Variants in COL4A2 observed in about 807,000 individuals in gnomAD.
The protein encoded by COL4A2 is collagen type IV alpha 2 chain.
In COL4A2, 99 loss-of-function variants were observed where a neutral mutation model predicts 200.2. That is an observed-to-expected ratio of 0.49 (90% CI 0.42 to 0.58). The LOEUF is 0.58. Among genes scored for constraint, COL4A2 ranks in the 20% least tolerant of loss-of-function variants. The pLI, the probability that COL4A2 is intolerant of heterozygous loss-of-function variation, is 0.00. For synonymous variants in COL4A2, 897 were observed against 900.6 expected, an observed-to-expected ratio of 1.00 and a Z score of 0.07; for missense variants, 1,950 against 2,314.1, an observed-to-expected ratio of 0.84 and a Z score of 3.23.
At position 110,465,572 on chromosome 13, in the gene COL4A2, C is replaced by A; in HGVS notation, c.1944C>A (p.Gly648=). The A allele has an allele frequency of 5.0e-6, 8 of 1,613,686 alleles. No individual in the cohort carries two copies. Among genetic ancestry groups the A allele is most frequent in the Non-Finnish European group, 6.8e-6 (8 of 1,179,878 alleles). Residue 648 remains glycine, a synonymous_variant, in exon 25 of 48, where the codon GGC becomes GGA. Coordinates refer to ENST00000360467, the MANE Select transcript of COL4A2 (RefSeq NM_001846.4). ...TACCTGGACCACCAGGCTTCCTGGG[C>A]CCTCCTGGCCCCGCAGGGACCCCAG... is the stretch of plus-strand genomic sequence containing the variant. ...AGLPGPPGFL[G]PPGPAGTPGQ... is the part of the protein sequence containing the mutation.
In COL4A2 at chr13:110,465,874, T is replaced by C. The variant is rs1983932; in HGVS notation, c.1979-129T>C. On this transcript the variant is annotated intron_variant, in intron 25 of 47. Coordinates refer to ENST00000360467, the MANE Select transcript of COL4A2 (RefSeq NM_001846.4). The stretch of plus-strand genomic sequence containing the variant: ...AGATGGCTTTCCCGTTCCCTGCCCA[T>C]TTCAAAGCCTTCCTGCCCCCACCAG... 0.58 allele frequency: 682,151 copies of C among 1,182,920 alleles called. 201,744 individuals carry two copies. Among genetic ancestry groups the C allele is most frequent in the Middle Eastern group, 0.67 (2,781 of 4,162 alleles). 73.3% of individuals were successfully genotyped at this position (1,182,920 alleles called of 1,614,324 possible). A position where few individuals can be genotyped will look rare whatever the true frequency, so the allele number is the denominator to read the frequency against.
chr13:110,509,215 G>A (rs2139561340), intron 47 of COL4A2, among the ~76,000 whole-genome samples: 1 of 135,616 alleles, frequency 7.4e-6, no homozygotes, highest in African/African-American at 2.7e-5. Flanking sequence ...TATATGGATT[G>A]GATGCCCAGC....
chr13:110,443,960 A>G (rs1881230112), intron 16 of COL4A2, among the ~76,000 whole-genome samples: 1 of 152,158 alleles, frequency 6.6e-6, no homozygotes. Flanking sequence ...GTGGTCTCAG[A>G]TGAACCCTGA....
chr13:110,434,131 A>G lies in COL4A2; in HGVS notation c.685-270A>G, dbSNP rs187413085. ...ACCCAGGGACATGCTCTTAGACTACAGTCTGCAGAGACCATATACTCACGA... is the reference window on the plus strand; with the variant it reads ...ACCCAGGGACATGCTCTTAGACTACGGTCTGCAGAGACCATATACTCACGA... On this transcript the variant is annotated intron_variant, in intron 11 of 47. Transcript: ENST00000360467. Among the ~76,000 whole-genome samples, 687 of 152,296 alleles carry G rather than the reference A, an allele frequency of 4.5e-3. 5 individuals are homozygous for G. Among genetic ancestry groups the G allele is most frequent in the Non-Finnish European group, 6.4e-3 (432 of 68,020 alleles).
Position 110,467,111 on chromosome 13 carries a change from G to A in COL4A2, c.2095+15G>A, listed in dbSNP as rs776751678. On this transcript the variant is annotated intron_variant, in intron 27 of 47. Transcript: ENST00000360467. ...AGGCCCCACAGGTAATGCACGGAGG[G>A]AACCTGGAGTGCACCCAGCCTTCCT... The A allele has an allele frequency of 1.2e-6, 2 of 1,613,760 alleles. No individual in the cohort carries two copies. The highest frequency in any genetic ancestry group is 1.7e-6 in the Non-Finnish European group (2 of 1,179,886).
Position 110,508,122 on chromosome 13 carries a change from G to A in COL4A2, c.4782G>A (p.Glu1594=), listed in dbSNP as rs1454563588. ...KPYISRCSVC[E]APAIAIAVHS... ...ACATCAGCCGCTGTTCTGTGTGTGA[G>A]GCCCCGGCCATCGCCATCGCGGTCC... The change falls in exon 47 of 48, where the codon GAG becomes GAA. Residue 1594 remains glutamate, a synonymous_variant. Transcript: ENST00000360467. This position sits in a 1 kb window ranked among gnomAD's most constrained non-coding sequence, Gnocchi z 6.1. The A allele has an allele frequency of 6.2e-7, 1 of 1,614,268 alleles. No homozygotes were observed. Among genetic ancestry groups the A allele is most frequent in the South Asian group, 1.1e-5 (1 of 91,090 alleles).
intron 4 of COL4A2, among the ~76,000 whole-genome samples, chr13:110,386,034 T>TGGAGGCTACAGTGC: frequency 8.8e-6 from 1 of 113,552 alleles, no homozygotes; most frequent in South Asian, 3.2e-4. Context: ...GGTTACAGTG[T>TGGAGGCTACAGTGC]GTGGATAGAC....
At chr13:110,321,113 C>T (rs1053903043) in intron 3 of COL4A2, among the ~76,000 whole-genome samples, 4 of 151,786 alleles carry the variant, frequency 2.6e-5, no homozygotes, top group African/African-American at 7.3e-5. Context: ...ATAAACTAAC[C>T]ATCTGAAGAT....
At chr13:110,459,751 A>C (rs1349043031) in intron 22 of COL4A2, 1 of 152,328 alleles carries the variant, frequency 6.6e-6, no homozygotes, top group Admixed American at 6.5e-5. Context: ...TCTCAAAAAA[A>C]CCTATCATTT....
chr13:110,505,161 T>G (rs377143636), intron 45 of COL4A2, among the ~76,000 whole-genome samples: 3 of 151,068 alleles, frequency 2.0e-5, no homozygotes, highest in East Asian at 2.0e-4. Flanking sequence ...CCATCCTGGC[T>G]AACACGGTGA....
chr13:110,360,513 C>T (rs1877467485), intron 4 of COL4A2, among the ~76,000 whole-genome samples: 1 of 152,212 alleles, frequency 6.6e-6, no homozygotes, highest in African/African-American at 2.4e-5. Context: ...ATCCCCAAGA[C>T]TCTGTGATTT....
chr13:110,511,904 T>C, intron 47 of COL4A2, 30 bp from the exon 48 acceptor site: 1 of 1,612,842 alleles, frequency 6.2e-7, no homozygotes, highest in Non-Finnish European at 8.5e-7. Context: ...CTGTGATTCC[T>C]AACCCTGTCC....
rs112139539 is a variant in COL4A2 at position 110,401,804 on chromosome 13, T to G, written c.181-22930T>G. Among the ~76,000 whole-genome samples the G allele has an allele frequency of 2.0e-3, 302 of 152,310 alleles. 2 individuals are homozygous for G. The highest frequency in any genetic ancestry group is 7.0e-3 in the African/African-American group (293 of 41,568). Reference sequence around the variant, plus strand: ...TCTCACTGTTCTAGAGGCTGGTAAGTCCAAGATCAAAGTACTAGTAGATTT... The same window carrying G: ...TCTCACTGTTCTAGAGGCTGGTAAGGCCAAGATCAAAGTACTAGTAGATTT... On this transcript the variant is annotated intron_variant, in intron 4 of 47. Transcript: ENST00000360467.
At chr13:110,460,263 A>G (rs1317347849) in intron 22 of COL4A2, among the ~76,000 whole-genome samples, 1 of 152,162 alleles carries the variant, frequency 6.6e-6, no homozygotes, top group Non-Finnish European at 1.5e-5. Flanking sequence ...CATGGCACGG[A>G]GCTGTGCAGG....
chr13:110,335,293 A>T (rs1330176936), intron 3 of COL4A2, among the ~76,000 whole-genome samples: 1 of 152,020 alleles, frequency 6.6e-6, no homozygotes, highest in South Asian at 2.1e-4. Flanking sequence ...CTCAAATCTC[A>T]TCTTGAATTG....
intron 4 of COL4A2, among the ~76,000 whole-genome samples, chr13:110,417,159 T>C (rs757475491): frequency 3.3e-5 from 5 of 152,176 alleles, no homozygotes; most frequent in Non-Finnish European, 5.9e-5. Context: ...TTTTGTATTT[T>C]TAGTAGAGGC....
At chr13:110,450,545 T>A in intron 20 of COL4A2, 91 bp downstream of exon 20, 2 of 1,490,120 alleles carry the variant, frequency 1.3e-6, no homozygotes, top group Non-Finnish European at 1.8e-6. Flanking sequence ...CTCTGCTAAA[T>A]GACTCTGGGA....
chr13:110,435,178 A>G (rs1299067249), intron 12 of COL4A2, among the ~76,000 whole-genome samples: 1 of 152,244 alleles, frequency 6.6e-6, no homozygotes, highest in African/African-American at 2.4e-5. Context: ...CCTTCTTTAC[A>G]TTAATGCCAT....
intron 17 of COL4A2, among the ~76,000 whole-genome samples, chr13:110,446,351 T>A (rs968943289): frequency 1.3e-5 from 2 of 152,018 alleles, no homozygotes; most frequent in Admixed American, 1.3e-4. Context: ...CTGAGCCGGG[T>A]GAGGCTCAAA....
Sources: gnomAD v4.1 joint callset for allele counts (sites outside exome capture counted in the v4.1 genomes callset) on GRCh38, gnomAD v4.1.1 for gene constraint, Gnocchi (gnomAD v3.1) non-coding constraint, MANE v1.5 for transcripts, NCBI Gene and HGNC (gene_info 2026-07-23, HGNC 2026-07-21) for gene names.